TELO2: variants seen among roughly 807,000 people sequenced by gnomAD.
The protein encoded by TELO2 is telomere maintenance 2.
A neutral mutation model predicts 91.0 loss-of-function variants in TELO2; 71 were observed. The observed-to-expected ratio is 0.78, with a 90% CI of 0.64 to 0.95. TELO2 has a LOEUF of 0.95. TELO2 is among the 40% of genes least tolerant of loss of function. The probability of loss-of-function intolerance (pLI) is 0.00; values close to 1 mark genes in which losing one functional copy is unlikely to be tolerated. For synonymous variants in TELO2, 584 were observed against 518.9 expected, an observed-to-expected ratio of 1.13 and a Z score of -1.71; for missense variants, 1,183 against 1,141.3, an observed-to-expected ratio of 1.04 and a Z score of -0.53.
chr16:1,508,800 G>A (rs999902877), intron 20 of TELO2, among the ~76,000 whole-genome samples: 11 of 152,170 alleles, frequency 7.2e-5, no homozygotes, highest in Non-Finnish European at 1.5e-5. Context: ...CGATGGACAC[G>A]GGAAGGGCAG....
chr16:1,507,312 G>T lies in TELO2; in HGVS notation c.2233G>T (p.Val745Leu). 1 of 1,609,496 alleles carries T rather than the reference G, an allele frequency of 6.2e-7. No homozygotes were observed. The stretch of plus-strand genomic sequence containing the variant: ...TCCCTCTGCTGGTGTCCAGGTGGCT[G>T]TGGCCATGGGCAAGGCCCTGCTGGA... ...MCLAVNTTVA[V>L]AMGKALLEFV... Residue 745 changes from valine to leucine, a missense_variant, in exon 19 of 21, where the codon GTG (valine) becomes TTG (leucine). Coordinates refer to ENST00000262319, the MANE Select transcript of TELO2 (RefSeq NM_016111.4).
In TELO2 at chr16:1,495,502, C is replaced by T. The variant is rs780947006; in HGVS notation, c.492C>T (p.Pro164=). 32 of 1,610,904 alleles carry T rather than the reference C, an allele frequency of 2.0e-5. No homozygotes were observed. Among genetic ancestry groups the T allele is most frequent in the Non-Finnish European group, 1.7e-5 (20 of 1,179,830 alleles). Residue 164 remains proline (P), a synonymous_variant, in exon 3 of 21, where the codon CCC becomes CCT. Transcript: ENST00000262319. ...ETLLGKVVAL[P]DHLGNRLQQE... Reference sequence around the variant, plus strand: ...TGCTGGGCAAGGTGGTGGCCCTGCCCGATCACCTGGGCAACCGCCTGCAGC... The same window carrying T: ...TGCTGGGCAAGGTGGTGGCCCTGCCTGATCACCTGGGCAACCGCCTGCAGC...
chr16:1,503,107 C>T, intron 15 of TELO2, 105 bp downstream of exon 15: 1 of 1,284,762 alleles, frequency 7.8e-7, no homozygotes, highest in South Asian at 1.2e-5. Flanking sequence ...AGGGCTCGTG[C>T]AGGCCTGTCC....
At chr16:1,508,948 G>A (rs76467548) in intron 20 of TELO2, among the ~76,000 whole-genome samples, 3 of 152,150 alleles carry the variant, frequency 2.0e-5, no homozygotes, top group Non-Finnish European at 4.4e-5. Context: ...AGGGGGGTGA[G>A]GCCCCCCAGA....
In TELO2 at chr16:1,505,518, T is replaced by C. The variant is rs2039859559; in HGVS notation, c.1951T>C (p.Ser651Pro). 6.2e-7 allele frequency: 1 copy of C among 1,612,964 alleles called. No individual in the cohort carries two copies. Among genetic ancestry groups the C allele is most frequent in the Non-Finnish European group, 8.5e-7 (1 of 1,179,994 alleles). Residue 651 changes from serine (S) to proline (P), a missense_variant, in exon 16 of 21, where the codon TCT becomes CCT. By Grantham distance (74) the Ser-to-Pro change is moderately conservative (BLOSUM62 -1). Transcript: ENST00000262319. This position sits in a 1 kb window ranked among gnomAD's most constrained non-coding sequence, Gnocchi z 4.3. ...CCCGTGCCTGCCAGAGGCAGCCGTC[T>C]CTCAGCCTGGCAGTGCCGTGGCGTC... ...NTPCLPEAAV[S>P]QPGSAVASDW...
At chr16:1,500,206 G>A in intron 7 of TELO2, 42 bp downstream of exon 7, 1 of 1,570,858 alleles carries the variant, frequency 6.4e-7, no homozygotes, top group Non-Finnish European at 8.6e-7. Flanking sequence ...GGCCCTGGGA[G>A]AAGAGCCGTG....
chr16:1,494,728 G>T lies in TELO2; in HGVS notation c.335+112G>T. 8.5e-7 allele frequency: 1 copy of T among 1,181,942 alleles called. No homozygotes were observed. 73.2% of individuals were successfully genotyped at this position (1,181,942 alleles called of 1,614,324 possible). A position where few individuals can be genotyped will look rare whatever the true frequency, so the allele number is the denominator to read the frequency against. ...GTCCCTGTGAGGGGCTAGAGAGAGA[G>T]CCTGCTCCTGGCTGAACCCCTGAAC... On this transcript the variant is annotated intron_variant, in intron 2 of 20. Transcript: ENST00000262319. The surrounding 1 kb of genome is among the most constrained non-coding windows in gnomAD (Gnocchi z 5.6).
In TELO2 at chr16:1,507,658, T is replaced by C; in HGVS notation, c.2349T>C (p.Ala783=). The C allele has an allele frequency of 5.0e-6, 8 of 1,602,712 alleles. No individual in the cohort carries two copies. Among genetic ancestry groups the C allele is most frequent in the Non-Finnish European group, 6.8e-6 (8 of 1,179,684 alleles). The change falls in exon 20 of 21, where the codon GCT becomes GCC. Residue 783 remains alanine, a synonymous_variant. Coordinates refer to ENST00000262319, the MANE Select transcript of TELO2 (RefSeq NM_016111.4). ...AVSSVLLSLP[A]ARLLEDLMDE... ...CCTCCGTCCTGCTCAGCCTGCCTGC[T>C]GCGCGCCTGCTGGAGGACCTGATGG...
Position 1,497,007 on chromosome 16 carries a change from T to G in TELO2, c.614-29T>G. 2 of 1,612,030 alleles carry G rather than the reference T, an allele frequency of 1.2e-6. No individual in the cohort carries two copies. The highest frequency in any genetic ancestry group is 1.7e-6 in the Non-Finnish European group (2 of 1,178,678). On this transcript the variant is annotated intron_variant, in intron 3 of 20. Coordinates refer to ENST00000262319, the MANE Select transcript of TELO2 (RefSeq NM_016111.4). This position sits in a 1 kb window ranked among gnomAD's most constrained non-coding sequence, Gnocchi z 4.0. ...GTTCTTTTGTGCCTTCCCGCCGGCT[T>G]CCTCATCAGGCCTCCCTTTCTGTCC...
chr16:1,500,827 C>T lies in TELO2; in HGVS notation c.1281+128C>T, dbSNP rs192643190. 55 of 1,418,400 alleles carry T rather than the reference C, an allele frequency of 3.9e-5. No individual in the cohort carries two copies. In the African/African-American group the frequency reaches 4.8e-4, roughly 12 times the overall value. 87.9% of individuals were successfully genotyped at this position (1,418,400 alleles called of 1,614,324 possible). ...TTGCGGAGCGTCCGTGTGGACTTCT[C>T]GCAGGGCTGAGGCTGGAAGCTGTGG... On this transcript the variant is annotated intron_variant, in intron 9 of 20. Coordinates refer to ENST00000262319, the MANE Select transcript of TELO2 (RefSeq NM_016111.4).
intron 11 of TELO2, 121 bp from the exon 12 acceptor site, chr16:1,501,926 G>T (rs753283172): frequency 4.0e-6 from 6 of 1,484,378 alleles, no homozygotes; most frequent in Non-Finnish European, 3.7e-6. Flanking sequence ...CAGCTCCACC[G>T]TAGGCGCAGG....
In TELO2 at chr16:1,505,721, C is replaced by A. The variant is rs541327486; in HGVS notation, c.2034+120C>A. On this transcript the variant is annotated intron_variant, in intron 16 of 20. Transcript: ENST00000262319. The surrounding 1 kb of genome is among the most constrained non-coding windows in gnomAD (Gnocchi z 4.3). ...GCGGCCACATTCGCTGGGGATGGTG[C>A]CTTTGCCGGGATTCCTGAAAGGCAG... 2,732 of 1,271,874 alleles carry A rather than the reference C, an allele frequency of 2.1e-3. 7 individuals are homozygous for A. Among genetic ancestry groups the A allele is most frequent in the Middle Eastern group, 3.9e-3 (14 of 3,588 alleles). 78.8% of individuals were successfully genotyped at this position (1,271,874 alleles called of 1,614,324 possible). A position where few individuals can be genotyped will look rare whatever the true frequency, so the allele number is the denominator to read the frequency against.
rs138501028 is a variant in TELO2, at chr16:1,505,398, G to A, written c.1843-12G>A. 1.1e-4 allele frequency: 170 copies of A among 1,604,116 alleles called. 1 individual carries two copies. The East Asian group carries it at 3.7e-3, about 34-fold the overall frequency. Reference sequence around the variant, plus strand: ...GAGCAGTGGCGACGGCCCTGGGCCTGTCTCCCTCCAGGTGCTGACTCTGGC... The same window carrying A: ...GAGCAGTGGCGACGGCCCTGGGCCTATCTCCCTCCAGGTGCTGACTCTGGC... On this transcript the variant is annotated splice_polypyrimidine_tract_variant and intron_variant, in intron 15 of 20. Coordinates refer to ENST00000262319, the MANE Select transcript of TELO2 (RefSeq NM_016111.4). This position sits in a 1 kb window ranked among gnomAD's most constrained non-coding sequence, Gnocchi z 4.3.
At position 1,501,510 on chromosome 16, in the gene TELO2, C is replaced by G; in HGVS notation, c.1361+11C>G. Reference sequence around the variant, plus strand: ...CGCCTCGGAGGCGGGGTGAGGGTCTCTGCCCCCCGGGACCCCACCGCGTGC... The same window carrying G: ...CGCCTCGGAGGCGGGGTGAGGGTCTGTGCCCCCCGGGACCCCACCGCGTGC... On this transcript the variant is annotated intron_variant, in intron 10 of 20. Coordinates refer to ENST00000262319, the MANE Select transcript of TELO2 (RefSeq NM_016111.4). 1.9e-6 allele frequency: 3 copies of G among 1,603,356 alleles called. No individual in the cohort carries two copies. Among genetic ancestry groups the G allele is most frequent in the Non-Finnish European group, 2.6e-6 (3 of 1,174,578 alleles).
chr16:1,495,835 G>C (rs1229837760), intron 3 of TELO2, among the ~76,000 whole-genome samples: 1 of 152,238 alleles, frequency 6.6e-6, no homozygotes, highest in Non-Finnish European at 1.5e-5. Flanking sequence ...GGCTTCTCTT[G>C]TCCCTGCAGT....
intron 15 of TELO2, among the ~76,000 whole-genome samples, chr16:1,503,259 T>A (rs1311467221): frequency 6.6e-6 from 1 of 152,172 alleles, no homozygotes; most frequent in Non-Finnish European, 1.5e-5. Context: ...TAGGGTAAAA[T>A]GTGTGCTGCG....
intron 17 of TELO2, 168 bp from the exon 18 acceptor site, chr16:1,506,784 G>A: frequency 2.1e-6 from 3 of 1,416,338 alleles, no homozygotes; most frequent in African/African-American, 1.4e-5. Flanking sequence ...CCCTGCAGGG[G>A]GAGTAGGCAC....
chr16:1,509,876 G>T lies in TELO2; in HGVS notation c.2454G>T (p.Leu818=), dbSNP rs374346534. ...DPDEDCRTLA[L]RALLLLQRLK... is the part of the protein sequence containing the mutation. ...ACGAGGACTGCAGGACGCTGGCACT[G>T]AGGGCCCTGCTGCTTCTGCAGAGAC... The change falls in exon 21 of 21, where the codon CTG becomes CTT. Residue 818 remains leucine (L), a synonymous_variant. Coordinates refer to ENST00000262319, the MANE Select transcript of TELO2 (RefSeq NM_016111.4). 3.7e-6 allele frequency: 6 copies of T among 1,612,274 alleles called. No individual in the cohort carries two copies. The highest frequency in any genetic ancestry group is 5.1e-6 in the Non-Finnish European group (6 of 1,179,652).
intron 15 of TELO2, among the ~76,000 whole-genome samples, chr16:1,504,530 G>A (rs1230091074): frequency 8.0e-5 from 11 of 138,244 alleles, no homozygotes; most frequent in Non-Finnish European, 1.7e-4. Flanking sequence ...GAGAACATGA[G>A]AACAACTCAC....
Sources: allele counts gnomAD v4.1 joint callset (sites outside exome capture counted in the v4.1 genomes callset), GRCh38; gene constraint gnomAD v4.1.1; non-coding constraint Gnocchi (gnomAD v3.1); transcripts MANE v1.5; gene names NCBI Gene and HGNC (gene_info 2026-07-23, HGNC 2026-07-21).